The following TINAG variants were observed in gnomAD, a reference collection of about 807,000 sequenced individuals.
TINAG encodes the protein tubulointerstitial nephritis antigen.
Under a neutral mutation model 72.7 loss-of-function variants are expected in TINAG, and 83 were observed. The observed-to-expected ratio is 1.14, with a 90% CI of 0.96 to 1.37. TINAG has a LOEUF of 1.37. TINAG is among the 40% of genes most tolerant of loss of function. The probability of loss-of-function intolerance (pLI) is 0.00; values close to 1 mark genes in which losing one functional copy is unlikely to be tolerated. For missense variants in TINAG, 685 were observed against 576.6 expected (o/e 1.19, Z -1.93); for synonymous variants, 234 against 189.9 (o/e 1.23, Z -1.91).
chr6:54,308,392 T>G, upstream of TINAG: 1 of 654,484 alleles, frequency 1.5e-6, no homozygotes, highest in Non-Finnish European at 2.6e-6. Flanking sequence ...TCTTGATTAA[T>G]GTTTAACTAT....
chr6:54,375,906 G>A (rs1164564075), intron 9 of TINAG, among the ~76,000 whole-genome samples: 1 of 152,064 alleles, frequency 6.6e-6, no homozygotes, highest in Non-Finnish European at 1.5e-5. Context: ...ATATTCAAAT[G>A]GCTCTTTATC....
upstream of TINAG, chr6:54,308,107 G>T: frequency 6.5e-7 from 1 of 1,549,804 alleles, no homozygotes. Flanking sequence ...CAGGTGAAAC[G>T]AATAATTGCA....
At chr6:54,311,337 C>G (rs1315222012) in intron 1 of TINAG, among the ~76,000 whole-genome samples, 2 of 152,116 alleles carry the variant, frequency 1.3e-5, no homozygotes, top group Non-Finnish European at 1.5e-5. Flanking sequence ...TTGTCTACAG[C>G]TCTTTGCTAT....
intron 9 of TINAG, among the ~76,000 whole-genome samples, chr6:54,374,883 C>T (rs1199915720): frequency 6.6e-6 from 1 of 152,020 alleles, no homozygotes; most frequent in East Asian, 1.9e-4. Flanking sequence ...AATATCTTTA[C>T]ATGTCCACTG....
chr6:54,377,361 A>T (rs544346911), intron 9 of TINAG, among the ~76,000 whole-genome samples: 2 of 151,914 alleles, frequency 1.3e-5, no homozygotes, highest in African/African-American at 4.8e-5. Context: ...AAAATCCCCA[A>T]ATCAGCTGAG....
intron 9 of TINAG, among the ~76,000 whole-genome samples, chr6:54,375,421 A>C (rs1763750122): frequency 6.6e-6 from 1 of 152,162 alleles, no homozygotes; most frequent in African/African-American, 2.4e-5. Flanking sequence ...TGATAAACTA[A>C]CCGGATAATC....
intron 6 of TINAG, 109 bp downstream of exon 6, chr6:54,347,626 ATAC>A (rs1785158523): frequency 2.8e-6 from 3 of 1,076,976 alleles, no homozygotes; most frequent in Non-Finnish European, 3.9e-6. Flanking sequence ...AAAAATATAT[ATAC>A]TACATCTACA....
intron 5 of TINAG, among the ~76,000 whole-genome samples, chr6:54,345,412 T>G (rs528856643): frequency 2.6e-5 from 4 of 152,214 alleles, no homozygotes; most frequent in African/African-American, 7.2e-5. Flanking sequence ...CCTCCAGTAT[T>G]ATAAACGAGG....
At chr6:54,387,323 G>A (rs147555704) in intron 10 of TINAG, among the ~76,000 whole-genome samples, 4 of 152,076 alleles carry the variant, frequency 2.6e-5, no homozygotes, top group African/African-American at 7.2e-5. Flanking sequence ...AAATGGAGCC[G>A]CTACTTATGT....
chr6:54,331,418 T>TA (rs1251860431), intron 4 of TINAG, among the ~76,000 whole-genome samples: 1 of 152,170 alleles, frequency 6.6e-6, no homozygotes, highest in African/African-American at 2.4e-5. Context: ...CCCTTCATGC[T>TA]AAAAACACTC....
At position 54,354,513 on chromosome 6, in the gene TINAG, C is replaced by T; in HGVS notation, c.1127C>T (p.Ala376Val). ...TTTGTTCTGTTGGATTTTATTTTAG[C>T]CATAATGCAAGTCCGTGAAGATTTC... Reference protein sequence around the residue: ...KEIMQNGPVQAIMQVREDFFH... With the variant: ...KEIMQNGPVQVIMQVREDFFH... The change falls in exon 9 of 11, where the codon GCC (alanine) becomes GTC (valine). Residue 376 changes from alanine (A) to valine (V), a missense_variant and splice_region_variant. By Grantham distance (64) the Ala-to-Val change is moderately conservative. Transcript: ENST00000259782. The T allele has an allele frequency of 1.3e-6, 2 of 1,597,800 alleles. No homozygotes were observed. Among genetic ancestry groups the T allele is most frequent in the Non-Finnish European group, 8.5e-7 (1 of 1,173,832 alleles).
chr6:54,378,639 T>G (rs1317514590), intron 9 of TINAG, among the ~76,000 whole-genome samples: 1 of 151,840 alleles, frequency 6.6e-6, no homozygotes, highest in Non-Finnish European at 1.5e-5. Context: ...GCTAAGGGAG[T>G]TTATTTCACT....
chr6:54,318,500 A>G (rs894969044), intron 1 of TINAG, among the ~76,000 whole-genome samples: 14 of 152,104 alleles, frequency 9.2e-5, no homozygotes, highest in African/African-American at 2.4e-4. Flanking sequence ...ACTTCTCTCT[A>G]TCCTCACTAC....
intron 4 of TINAG, among the ~76,000 whole-genome samples, chr6:54,329,942 A>G (rs1228304103): frequency 1.3e-5 from 2 of 152,300 alleles, no homozygotes; most frequent in African/African-American, 4.8e-5. Flanking sequence ...ATATGTATGC[A>G]CCCAATACAG....
intron 4 of TINAG, among the ~76,000 whole-genome samples, chr6:54,329,987 C>T (rs1374744589): frequency 6.6e-6 from 1 of 151,882 alleles, no homozygotes; most frequent in Non-Finnish European, 1.5e-5. Flanking sequence ...TTCTTAAAGA[C>T]CTACCGAGAC....
At chr6:54,344,745 G>A (rs1165877054) in intron 5 of TINAG, among the ~76,000 whole-genome samples, 1 of 152,106 alleles carries the variant, frequency 6.6e-6, no homozygotes, top group Non-Finnish European at 1.5e-5. Flanking sequence ...ACCAAGTCAG[G>A]ATTGTTCCCC....
chr6:54,347,418 A>G lies in TINAG; in HGVS notation c.800A>G (p.Asn267Ser), dbSNP rs761675381. Residue 267 changes from asparagine to serine, a missense_variant, in exon 6 of 11, where the codon AAT (asparagine) becomes AGT (serine). By Grantham distance (46) the Asn-to-Ser change is conservative (BLOSUM62 1). Coordinates refer to ENST00000259782, the MANE Select transcript of TINAG (RefSeq NM_014464.4). ...AIQSKGRYTA[N>S]LSPQNLISCC... ...CAGTCTAAGGGTCGATACACGGCCA[A>G]TCTATCCCCTCAGAATTTGATCTCT... 3.1e-5 allele frequency: 50 copies of G among 1,613,186 alleles called. No individual in the cohort carries two copies. The highest frequency in any genetic ancestry group is 6.7e-5 in the African/African-American group (5 of 74,846).
At chr6:54,387,853 G>A (rs1451219898) in intron 10 of TINAG, among the ~76,000 whole-genome samples, 7 of 152,082 alleles carry the variant, frequency 4.6e-5, no homozygotes, top group Non-Finnish European at 5.9e-5. Context: ...TAGAAGAAAT[G>A]AGAGTAGGAA....
intron 9 of TINAG, among the ~76,000 whole-genome samples, chr6:54,361,326 A>G: frequency 6.6e-6 from 1 of 151,714 alleles, no homozygotes; most frequent in Admixed American, 6.6e-5. Flanking sequence ...TATAAATAAC[A>G]GAGGTTTAAT....
Sources: gnomAD v4.1 joint callset for allele counts (sites outside exome capture counted in the v4.1 genomes callset) on GRCh38, gnomAD v4.1.1 for gene constraint, MANE v1.5 for transcripts, NCBI Gene and HGNC (gene_info 2026-07-23, HGNC 2026-07-21) for gene names.